The following GABBR2 variants were observed in gnomAD, a reference collection of about 807,000 sequenced individuals.
GABBR2 encodes gamma-aminobutyric acid type B receptor subunit 2, also known as G-protein coupled receptor 51.
GABBR2 carries 23 observed loss-of-function variants against 105.6 expected under a neutral mutation model. The ratio of observed to expected loss-of-function variants is 0.22; its 90% CI spans 0.16 to 0.31. The LOEUF (loss-of-function observed/expected upper bound fraction) is 0.31, where lower values mean the gene tolerates loss of function less well. Ranked by LOEUF, GABBR2 falls within the 10% of genes least tolerant of loss-of-function variation. The pLI is 1.00. For missense variants in GABBR2, 734 were observed against 1,245.5 expected (o/e 0.59, Z 6.18); for synonymous variants, 478 against 499.7 (o/e 0.96, Z 0.58).
intron 1 of GABBR2, among the ~76,000 whole-genome samples, chr9:98,659,764 G>A (rs562151404): frequency 1.3e-5 from 2 of 151,512 alleles, no homozygotes; most frequent in East Asian, 1.9e-4. Flanking sequence ...CAAGTGATCC[G>A]CCCACCTCGG....
At chr9:98,369,471 C>A (rs7858926) in intron 12 of GABBR2, among the ~76,000 whole-genome samples, 3,224 of 152,164 alleles carry the variant, frequency 0.021, 117 homozygotes, top group African/African-American at 0.074. Flanking sequence ...AGAATCACAG[C>A]TAAGGGGACA....
intron 1 of GABBR2, among the ~76,000 whole-genome samples, chr9:98,653,304 C>T (rs2131847375): frequency 6.6e-6 from 1 of 152,340 alleles, no homozygotes; most frequent in African/African-American, 2.4e-5. Flanking sequence ...TAGCCCTTAG[C>T]TATTTCTAAA....
intron 8 of GABBR2, among the ~76,000 whole-genome samples, chr9:98,397,613 A>G (rs543708716): frequency 5.1e-4 from 78 of 152,246 alleles, no homozygotes; most frequent in African/African-American, 1.9e-3. Flanking sequence ...CCCAAGAAAT[A>G]TCTTCATATT....
chr9:98,653,444 A>G (rs1277646981), intron 1 of GABBR2, among the ~76,000 whole-genome samples: 1 of 152,264 alleles, frequency 6.6e-6, no homozygotes, highest in Non-Finnish European at 1.5e-5. Flanking sequence ...TGGTATAAAC[A>G]TAACACATAA....
Position 98,290,683 on chromosome 9 carries a change from G to A in GABBR2, c.2727C>T (p.Gly909=), listed in dbSNP as rs368173040. The change falls in exon 19 of 19, where the codon GGC becomes GGT. Residue 909 remains glycine (G), a synonymous_variant. Transcript: ENST00000259455. The part of the protein sequence containing the change: ...LHHAYLPSIG[G]VDASCVSPCV... ...AGGGGCTGACACAGCTGGCGTCCAC[G>A]CCTCCGATGGATGGGAGGTAGGCGT... 3.2e-5 allele frequency: 47 copies of A among 1,478,504 alleles called. No individual in the cohort carries two copies. The highest frequency in any genetic ancestry group is 3.7e-5 in the Non-Finnish European group (42 of 1,125,278). The allele number at this position is 1,478,504 out of a possible 1,614,324, so 91.6% of individuals were successfully genotyped here.
chr9:98,589,142 GA>G (rs1829114406), intron 1 of GABBR2, among the ~76,000 whole-genome samples: 1 of 152,192 alleles, frequency 6.6e-6, no homozygotes, highest in African/African-American at 2.4e-5. Flanking sequence ...GACTACAGGT[GA>G]TCTCTGAGCC....
chr9:98,494,041 GAC>G (rs1827227681), intron 4 of GABBR2, among the ~76,000 whole-genome samples: 1 of 152,186 alleles, frequency 6.6e-6, no homozygotes, highest in Non-Finnish European at 1.5e-5. Context: ...GTCCTAAAAA[GAC>G]AATATAAAGA....
At chr9:98,652,161 T>C (rs1271268683) in intron 1 of GABBR2, among the ~76,000 whole-genome samples, 3 of 152,208 alleles carry the variant, frequency 2.0e-5, no homozygotes, top group African/African-American at 7.2e-5. Context: ...TTATGTGTAT[T>C]ATCTTTGTTC....
chr9:98,694,252 G>A (rs1166395296), intron 1 of GABBR2, among the ~76,000 whole-genome samples: 8 of 152,236 alleles, frequency 5.3e-5, no homozygotes, highest in East Asian at 1.9e-4. Flanking sequence ...TCTAGGCCCC[G>A]CTGATGGCCA....
At chr9:98,653,847 G>A (rs942471433) in intron 1 of GABBR2, among the ~76,000 whole-genome samples, 2 of 152,140 alleles carry the variant, frequency 1.3e-5, no homozygotes, top group African/African-American at 2.4e-5. Flanking sequence ...CTGAGTCCTC[G>A]TATTTAGTGG....
chr9:98,365,623 G>GC (rs1831662562), intron 12 of GABBR2, among the ~76,000 whole-genome samples: 1 of 152,216 alleles, frequency 6.6e-6, no homozygotes. Flanking sequence ...TTTATTGAGT[G>GC]CCTACCCTGA....
chr9:98,499,491 A>G (rs1827356153), intron 3 of GABBR2, among the ~76,000 whole-genome samples: 1 of 152,212 alleles, frequency 6.6e-6, no homozygotes, highest in African/African-American at 2.4e-5. Context: ...TAATCTCAGC[A>G]CCAAGGAGTC....
intron 13 of GABBR2, among the ~76,000 whole-genome samples, chr9:98,331,416 T>C (rs1487238985): frequency 6.7e-6 from 1 of 148,710 alleles, no homozygotes; most frequent in Non-Finnish European, 1.5e-5. Context: ...TTTTTTTTTT[T>C]TTTTTGTGAA....
intron 13 of GABBR2, among the ~76,000 whole-genome samples, chr9:98,326,664 T>C (rs1316218829): frequency 6.6e-6 from 1 of 152,238 alleles, no homozygotes; most frequent in African/African-American, 2.4e-5. Flanking sequence ...GAGAACCACC[T>C]GGCTTCACAG....
intron 7 of GABBR2, among the ~76,000 whole-genome samples, chr9:98,435,192 C>T (rs984795697): frequency 1.3e-5 from 2 of 152,196 alleles, no homozygotes; most frequent in African/African-American, 4.8e-5. Flanking sequence ...AGAGCTGCAC[C>T]ATTCCATTTT....
chr9:98,398,249 T>G (rs537382868), intron 8 of GABBR2, among the ~76,000 whole-genome samples: 22 of 152,222 alleles, frequency 1.4e-4, no homozygotes, highest in African/African-American at 4.8e-4. Flanking sequence ...AATGTATAAC[T>G]CTGGGGTATG....
In GABBR2 at chr9:98,450,449, G is replaced by T. The variant is rs185199961; in HGVS notation, c.1236+3532C>A. 2.7e-4 allele frequency among the ~76,000 whole-genome samples: 41 copies of T among 152,274 alleles called. 1 individual carries two copies. In the South Asian group the frequency reaches 5.0e-3, roughly 19 times the overall value. ...GCACCTATTAATATGTGACAAAGGAGATAGGAGGAAGGTAACATGGAGTGC... is the reference window on the plus strand; with the variant it reads ...GCACCTATTAATATGTGACAAAGGATATAGGAGGAAGGTAACATGGAGTGC... On this transcript the variant is annotated intron_variant, in intron 7 of 18. Coordinates refer to ENST00000259455, the MANE Select transcript of GABBR2 (RefSeq NM_005458.8).
chr9:98,470,795 GT>G (rs58596178), intron 6 of GABBR2, among the ~76,000 whole-genome samples: 1,690 of 147,274 alleles, frequency 0.011, 16 homozygotes, highest in African/African-American at 0.034. Flanking sequence ...TCATCATGGG[GT>G]TTTTTTTTTG....
At chr9:98,540,812 C>A (rs1416338350) in intron 3 of GABBR2, among the ~76,000 whole-genome samples, 2 of 152,146 alleles carry the variant, frequency 1.3e-5, no homozygotes, top group Non-Finnish European at 2.9e-5. Context: ...AGGCACAAAG[C>A]AAATGGGAAA....
Sources: gnomAD v4.1 joint callset for allele counts (sites outside exome capture counted in the v4.1 genomes callset) on GRCh38, gnomAD v4.1.1 for gene constraint, MANE v1.5 for transcripts, NCBI Gene and HGNC (gene_info 2026-07-23, HGNC 2026-07-21) for gene names.